Variants in SMIM14 observed in about 807,000 individuals in gnomAD.
SMIM14 encodes chromosome 4 open reading frame 34.
Under a neutral mutation model 12.6 loss-of-function variants are expected in SMIM14, and 5 were observed. The ratio of observed to expected loss-of-function variants is 0.40; its 90% CI spans 0.21 to 0.83. SMIM14 has a LOEUF of 0.83. SMIM14 is among the 40% of genes least tolerant of loss of function. The probability of loss-of-function intolerance (pLI) is 0.37; values close to 1 mark genes in which losing one functional copy is unlikely to be tolerated. For synonymous variants in SMIM14, 30 were observed against 40.1 expected, an observed-to-expected ratio of 0.75 and a Z score of 0.95; for missense variants, 86 against 119.1, an observed-to-expected ratio of 0.72 and a Z score of 1.29.
intron 1 of SMIM14, chr4:39,612,129 G>T (rs1018661552): frequency 8.6e-5 from 13 of 151,952 alleles, no homozygotes; most frequent in African/African-American, 3.1e-4. Flanking sequence ...AAAAAAAAGG[G>T]TGATTAGCTT....
At chr4:39,616,129 T>A (rs1715213741) in intron 1 of SMIM14, among the ~76,000 whole-genome samples, 1 of 152,118 alleles carries the variant, frequency 6.6e-6, no homozygotes, top group Admixed American at 6.6e-5. Context: ...ATATTCCCAA[T>A]TTTGTTGTTG....
At chr4:39,581,252 T>C (rs2110022129) in intron 2 of SMIM14, among the ~76,000 whole-genome samples, 1 of 152,218 alleles carries the variant, frequency 6.6e-6, no homozygotes, top group Middle Eastern at 3.4e-3. Context: ...GCCTAAACAT[T>C]TTATATTCTC....
chr4:39,592,123 G>A (rs1172231439), intron 2 of SMIM14, among the ~76,000 whole-genome samples: 1 of 152,034 alleles, frequency 6.6e-6, no homozygotes, highest in Non-Finnish European at 1.5e-5. Context: ...TTGAGCCCAG[G>A]AGTTCAAGGC....
chr4:39,568,099 G>A (rs1304018560), intron 3 of SMIM14, among the ~76,000 whole-genome samples: 1 of 151,990 alleles, frequency 6.6e-6, no homozygotes, highest in Admixed American at 6.6e-5. Flanking sequence ...CCAACATGGC[G>A]AAACCCTATC....
intron 4 of SMIM14, among the ~76,000 whole-genome samples, chr4:39,554,288 C>T (rs773043441): frequency 1.3e-5 from 2 of 152,276 alleles, no homozygotes; most frequent in Non-Finnish European, 2.9e-5. Context: ...GCCTGGCCAA[C>T]GTGGCGAAAC....
intron 1 of SMIM14, among the ~76,000 whole-genome samples, chr4:39,607,358 G>A (rs1401499485): frequency 6.6e-6 from 1 of 152,144 alleles, no homozygotes; most frequent in Non-Finnish European, 1.5e-5. Flanking sequence ...AGGTGGAATA[G>A]GCAGATCAAT....
intron 1 of SMIM14, among the ~76,000 whole-genome samples, chr4:39,619,852 A>T (rs1352829585): frequency 8.9e-5 from 5 of 56,466 alleles, no homozygotes; most frequent in African/African-American, 3.8e-4. Flanking sequence ...ATATATATTT[A>T]TATATATTTA....
chr4:39,572,120 C>A (rs1712921724), intron 3 of SMIM14, among the ~76,000 whole-genome samples: 1 of 151,478 alleles, frequency 6.6e-6, no homozygotes, highest in South Asian at 2.1e-4. Flanking sequence ...TTTCCTTATA[C>A]TTATTTTATA....
intron 1 of SMIM14, among the ~76,000 whole-genome samples, chr4:39,626,217 C>G (rs1450777956): frequency 6.6e-6 from 1 of 152,156 alleles, no homozygotes; most frequent in Non-Finnish European, 1.5e-5. Context: ...CCCCCCACCC[C>G]TGCCCCAGCC....
intron 1 of SMIM14, among the ~76,000 whole-genome samples, chr4:39,610,746 T>C (rs982787888): frequency 6.6e-6 from 1 of 151,414 alleles, no homozygotes; most frequent in African/African-American, 2.4e-5. Flanking sequence ...AATATGTGAA[T>C]AGCTCTGGGG....
At chr4:39,597,171 G>A (rs1429327670) in intron 2 of SMIM14, among the ~76,000 whole-genome samples, 1 of 149,558 alleles carries the variant, frequency 6.7e-6, no homozygotes, top group African/African-American at 2.5e-5. Flanking sequence ...GAGTATTCTG[G>A]ACATCTGAGA....
At chr4:39,619,876 A>ATTTTTTTTTTTT (rs368919092) in intron 1 of SMIM14, among the ~76,000 whole-genome samples, 2 of 115,852 alleles carry the variant, frequency 1.7e-5, no homozygotes, top group African/African-American at 6.9e-5. Context: ...ATATATATAT[A>ATTTTTTTTTTTT]TTTTTTTTTT....
At chr4:39,634,073 C>T (rs913427471) in intron 1 of SMIM14, among the ~76,000 whole-genome samples, 28 of 152,156 alleles carry the variant, frequency 1.8e-4, no homozygotes, top group African/African-American at 5.1e-4. Context: ...GGATTACAGG[C>T]GCGCATGACC....
chr4:39,630,501 G>A (rs926140989), intron 1 of SMIM14, among the ~76,000 whole-genome samples: 1 of 152,126 alleles, frequency 6.6e-6, no homozygotes, highest in African/African-American at 2.4e-5. Flanking sequence ...GATGACATGT[G>A]CACAAAGATG....
intron 4 of SMIM14, among the ~76,000 whole-genome samples, chr4:39,553,290 T>A (rs1711819279): frequency 6.6e-6 from 1 of 152,088 alleles, no homozygotes; most frequent in African/African-American, 2.4e-5. Flanking sequence ...CTCCAACTCC[T>A]GACCTCAAAT....
At chr4:39,623,068 T>G (rs1013631484) in intron 1 of SMIM14, among the ~76,000 whole-genome samples, 1 of 152,228 alleles carries the variant, frequency 6.6e-6, no homozygotes, top group Admixed American at 6.5e-5. Context: ...GAACACTGTT[T>G]AAATGACATT....
intron 2 of SMIM14, among the ~76,000 whole-genome samples, chr4:39,598,128 C>T (rs578067739): frequency 5.9e-5 from 9 of 152,284 alleles, no homozygotes; most frequent in African/African-American, 7.2e-5. Flanking sequence ...CAGCAACTCT[C>T]GTGGTTTTAG....
chr4:39,616,735 A>T (rs1322697275), intron 1 of SMIM14, among the ~76,000 whole-genome samples: 1 of 152,008 alleles, frequency 6.6e-6, no homozygotes, highest in East Asian at 1.9e-4. Context: ...TATTTTTCTC[A>T]AGGCTGTAGT....
At chr4:39,633,518 C>G (rs1715984383) in intron 1 of SMIM14, among the ~76,000 whole-genome samples, 1 of 152,112 alleles carries the variant, frequency 6.6e-6, no homozygotes, top group African/African-American at 2.4e-5. Flanking sequence ...TGCCTGTAAT[C>G]CCAGCACTTT....
Sources: allele counts gnomAD v4.1 joint callset (sites outside exome capture counted in the v4.1 genomes callset), GRCh38; gene constraint gnomAD v4.1.1; transcripts MANE v1.5; gene names NCBI Gene and HGNC (gene_info 2026-07-23, HGNC 2026-07-21).